Variants in ENPP7 observed in about 807,000 individuals in gnomAD.
ENPP7 encodes the protein ectonucleotide pyrophosphatase/phosphodiesterase family member 7.
ENPP7 carries 39 observed loss-of-function variants against 33.6 expected under a neutral mutation model. The observed-to-expected ratio is 1.16, with a 90% confidence interval of 0.90 to 1.52. The LOEUF (loss-of-function observed/expected upper bound fraction) is 1.52. Among genes scored for constraint, ENPP7 ranks in the 40% most tolerant of loss-of-function variants. The pLI is 0.00. For synonymous variants in ENPP7, 244 were observed against 274.3 expected (o/e 0.89, Z 1.09); for missense variants, 594 against 641.0 (o/e 0.93, Z 0.79).
chr17:79,733,650 G>A lies in ENPP7; in HGVS notation c.396G>A (p.Arg132=). The part of the protein sequence containing the change: ...GSVPIWITAQ[R]QGLRAGSFFY... ...TGCCCATCTGGATCACAGCCCAGAG[G>A]CAGGTAATGTCACCCCCGCCCATAC... Residue 132 remains arginine (R), a synonymous_variant, in exon 2 of 6, where the codon AGG becomes AGA. Coordinates refer to ENST00000328313, the MANE Select transcript of ENPP7 (RefSeq NM_178543.5). The A allele has an allele frequency of 6.2e-7, 1 of 1,610,324 alleles. No individual in the cohort carries two copies. The highest frequency in any genetic ancestry group is 8.5e-7 in the Non-Finnish European group (1 of 1,179,106).
chr17:79,736,968 G>C, intron 3 of ENPP7, 73 bp from the exon 4 acceptor site: 2 of 1,302,972 alleles, frequency 1.5e-6, no homozygotes, highest in South Asian at 2.4e-5. Flanking sequence ...GGTGTTCATA[G>C]GGTGGATAGG....
intron 1 of ENPP7, 49 bp downstream of exon 1, chr17:79,731,441 C>A: frequency 6.4e-7 from 1 of 1,569,974 alleles, no homozygotes; most frequent in South Asian, 1.2e-5. Context: ...GCCTGAGAAA[C>A]CAGATGGCAC....
rs1229597293 is a variant in ENPP7 at position 79,739,695 on chromosome 17, G to C, written c.*16+1633G>C. 1 of 152,298 alleles carries C rather than the reference G, an allele frequency of 6.6e-6. No homozygotes were observed. Among genetic ancestry groups the C allele is most frequent in the Non-Finnish European group, 1.5e-5 (1 of 68,094 alleles). 9.4% of individuals were successfully genotyped at this position (152,298 alleles called of 1,614,324 possible). On this transcript the variant is annotated intron_variant, in intron 5 of 5. Coordinates refer to ENST00000328313, the MANE Select transcript of ENPP7 (RefSeq NM_178543.5). This position sits in a 1 kb window ranked among gnomAD's most constrained non-coding sequence, Gnocchi z 4.4. The stretch of plus-strand genomic sequence containing the variant: ...GACGCGGCCACGTGCAGCTGTTCCT[G>C]GGCACAGGTTGTGCAGATGAGTCCA...
chr17:79,734,977 TCACAGG>T, intron 2 of ENPP7, 60 bp from the exon 3 acceptor site: 2 of 1,543,842 alleles, frequency 1.3e-6, no homozygotes. Flanking sequence ...ACAAATGTGT[TCACAGG>T]CATGAGACAA....
chr17:79,741,981 C>T lies in ENPP7; in HGVS notation c.*204C>T, dbSNP rs1007642853. On this transcript the variant is annotated 3_prime_UTR_variant, in exon 6 of 6. Transcript: ENST00000328313. ...TAAGCCTCGCAGCCCAGGTCCAGAG[C>T]CCCCGGCGAGCCGGTCCCATAACCG... is the stretch of plus-strand genomic sequence containing the variant. 7.1e-6 allele frequency: 7 copies of T among 983,156 alleles called. No individual in the cohort carries two copies. The highest frequency in any genetic ancestry group is 8.5e-6 in the Non-Finnish European group (7 of 827,734). 60.9% of individuals were successfully genotyped at this position (983,156 alleles called of 1,614,324 possible).
chr17:79,733,389 C>T (rs1430495674), intron 1 of ENPP7, 119 bp from the exon 2 acceptor site: 1 of 1,072,152 alleles, frequency 9.3e-7, no homozygotes, highest in East Asian at 2.4e-5. Context: ...CAGGCCCACT[C>T]CCCACCCAGC....
In ENPP7 at chr17:79,733,671, C is replaced by A; in HGVS notation, c.399+18C>A. On this transcript the variant is annotated intron_variant, in intron 2 of 5. Transcript: ENST00000328313. ...AGAGGCAGGTAATGTCACCCCCGCC[C>A]ATACTGACATCGCAGAGCACGGGGG... The A allele has an allele frequency of 6.3e-7, 1 of 1,598,632 alleles. No individual in the cohort carries two copies. The highest frequency in any genetic ancestry group is 8.5e-7 in the Non-Finnish European group (1 of 1,173,694).
At chr17:79,734,835 T>A (rs1212735910) in intron 2 of ENPP7, among the ~76,000 whole-genome samples, 1 of 152,188 alleles carries the variant, frequency 6.6e-6, no homozygotes, top group Non-Finnish European at 1.5e-5. Context: ...TGGGCACCTG[T>A]TGTTTCCTCT....
rs1451563266 is a variant in ENPP7 at position 79,741,859 on chromosome 17, G to A, written c.*82G>A. The A allele has an allele frequency of 2.0e-6, 2 of 985,540 alleles. No homozygotes were observed. The highest frequency in any genetic ancestry group is 9.4e-5 in the South Asian group (2 of 21,308). 61.0% of individuals were successfully genotyped at this position (985,540 alleles called of 1,614,324 possible). Reference sequence around the variant, plus strand: ...CTCGCTGCGATGCTCTGCTGGTCGCGGACGGACCCTGCCTCCCCAGCTTAT... The same window carrying A: ...CTCGCTGCGATGCTCTGCTGGTCGCAGACGGACCCTGCCTCCCCAGCTTAT... On this transcript the variant is annotated 3_prime_UTR_variant, in exon 6 of 6. Coordinates refer to ENST00000328313, the MANE Select transcript of ENPP7 (RefSeq NM_178543.5).
Position 79,738,225 on chromosome 17 carries a change from G to T in ENPP7, c.*16+163G>T. 1.5e-6 allele frequency: 1 copy of T among 659,638 alleles called. No homozygotes were observed. Among genetic ancestry groups the T allele is most frequent in the Non-Finnish European group, 2.6e-6 (1 of 388,618 alleles). The allele number at this position is 659,638 out of a possible 1,614,324, so 40.9% of individuals were successfully genotyped here. A position where few individuals can be genotyped will look rare whatever the true frequency, so the allele number is the denominator to read the frequency against. ...CTGCCCCAGAGAGGCCATCACCCCT[G>T]AGATCCCGAGGCTGACCCTTCCAGC... On this transcript the variant is annotated intron_variant, in intron 5 of 5. Transcript: ENST00000328313. This position sits in a 1 kb window ranked among gnomAD's most constrained non-coding sequence, Gnocchi z 6.2.
intron 5 of ENPP7, among the ~76,000 whole-genome samples, chr17:79,740,836 G>A (rs1412353960): frequency 6.6e-5 from 10 of 152,156 alleles, no homozygotes; most frequent in Admixed American, 3.9e-4. Context: ...CGAACACAAA[G>A]TAGGGAAGAA....
At chr17:79,740,310 GA>G (rs2094303049) in intron 5 of ENPP7, among the ~76,000 whole-genome samples, 1 of 152,184 alleles carries the variant, frequency 6.6e-6, no homozygotes, top group Non-Finnish European at 1.5e-5. Context: ...TCCGGAAGGG[GA>G]CCAGAGGACC....
At chr17:79,740,992 C>CTTTTT (rs564337082) in intron 5 of ENPP7, among the ~76,000 whole-genome samples, 1 of 151,732 alleles carries the variant, frequency 6.6e-6, no homozygotes. Flanking sequence ...CTTTTCTTTT[C>CTTTTT]TTTTCTTTTT....
In ENPP7 at chr17:79,737,943, C is replaced by G; in HGVS notation, c.1274C>G (p.Pro425Arg). 6.2e-7 allele frequency: 1 copy of G among 1,613,890 alleles called. No homozygotes were observed. The highest frequency in any genetic ancestry group is 8.5e-7 in the Non-Finnish European group (1 of 1,180,018). The stretch of plus-strand genomic sequence containing the variant: ...TCTGCTCTTCCGCCTGATGGAAGGC[C>G]TACTCTCCTGCCCAAGGGAAGATCT... Reference protein sequence around the residue: ...TESALPPDGRPTLLPKGRSAL... With the variant: ...TESALPPDGRRTLLPKGRSAL... The change falls in exon 5 of 6, where the codon CCT becomes CGT. Residue 425 changes from proline (P) to arginine (R), a missense_variant. Transcript: ENST00000328313. This position sits in a 1 kb window ranked among gnomAD's most constrained non-coding sequence, Gnocchi z 5.5.
At chr17:79,740,910 G>T (rs1049180677) in intron 5 of ENPP7, among the ~76,000 whole-genome samples, 5 of 152,202 alleles carry the variant, frequency 3.3e-5, no homozygotes, top group African/African-American at 1.2e-4. Flanking sequence ...AGAGCTGGGG[G>T]GTCCGAAGTT....
chr17:79,733,608 G>C lies in ENPP7; in HGVS notation c.354G>C (p.Trp118Cys). Residue 118 changes from tryptophan (W) to cysteine (C), a missense_variant, in exon 2 of 6, where the codon TGG (tryptophan) becomes TGC (cysteine). This residue lies in a region of ENPP7 where 504 missense variants were observed against 512.8 expected (regional missense o/e 0.98). Transcript: ENST00000328313. ...PYHATLGIQR[W>C]WDNGSVPIWI... ...ACGCCACGCTGGGCATCCAGAGGTG[G>C]TGGGACAACGGCAGCGTGCCCATCT... 2 of 1,613,348 alleles carry C rather than the reference G, an allele frequency of 1.2e-6. No homozygotes were observed. The highest frequency in any genetic ancestry group is 1.7e-6 in the Non-Finnish European group (2 of 1,180,000).
intron 5 of ENPP7, among the ~76,000 whole-genome samples, chr17:79,741,142 G>A (rs1372559562): frequency 1.3e-5 from 2 of 152,044 alleles, no homozygotes; most frequent in Non-Finnish European, 2.9e-5. Flanking sequence ...GCACCACCAT[G>A]CCCAACTAAT....
intron 2 of ENPP7, 113 bp downstream of exon 2, chr17:79,733,766 C>T (rs1555823001): frequency 1.2e-5 from 14 of 1,162,090 alleles, no homozygotes; most frequent in South Asian, 1.1e-4. Flanking sequence ...TCCAGGGTCT[C>T]GGGGCTCCTG....
At chr17:79,733,111 G>A (rs558873171) in intron 1 of ENPP7, among the ~76,000 whole-genome samples, 65 of 152,336 alleles carry the variant, frequency 4.3e-4, no homozygotes, top group African/African-American at 1.5e-3. Flanking sequence ...CTCGTCTGAT[G>A]GCTGGGCCAT....
Sources: gnomAD v4.1 joint callset for allele counts (sites outside exome capture counted in the v4.1 genomes callset) on GRCh38, gnomAD v4.1.1 for gene constraint, gnomAD v4.1.1 regional missense constraint, Gnocchi (gnomAD v3.1) non-coding constraint, MANE v1.5 for transcripts, NCBI Gene and HGNC (gene_info 2026-07-23, HGNC 2026-07-21) for gene names.